The following GIPC2 variants were observed in gnomAD, a reference collection of about 807,000 sequenced individuals.
The protein encoded by GIPC2 is GIPC PDZ domain containing family member 2, also known as PDZ domain-containing protein GIPC2.
Under a neutral mutation model 30.6 loss-of-function variants are expected in GIPC2, and 30 were observed. That is an observed-to-expected ratio of 0.98 (90% confidence interval 0.73 to 1.33). The LOEUF is 1.33. GIPC2 is among the 40% of genes most tolerant of loss of function. GIPC2 has a pLI of 0.00. For missense variants in GIPC2, 414 were observed against 390.3 expected (o/e 1.06, Z -0.51); for synonymous variants, 167 against 150.0 (o/e 1.11, Z -0.83).
intron 3 of GIPC2, among the ~76,000 whole-genome samples, chr1:78,106,256 A>T (rs1161038313): frequency 6.7e-6 from 1 of 150,030 alleles, no homozygotes; most frequent in Non-Finnish European, 1.5e-5. Flanking sequence ...AAAAAAGAAA[A>T]AAATGTGAAA....
At chr1:78,071,969 T>C (rs937012313) in intron 1 of GIPC2, among the ~76,000 whole-genome samples, 12 of 152,310 alleles carry the variant, frequency 7.9e-5, no homozygotes, top group Admixed American at 6.5e-4. Flanking sequence ...GTAACTTAGA[T>C]GTCCCCACAC....
At chr1:78,071,864 A>C (rs886341580) in intron 1 of GIPC2, among the ~76,000 whole-genome samples, 4 of 152,094 alleles carry the variant, frequency 2.6e-5, no homozygotes, top group African/African-American at 9.7e-5. Context: ...AACATGTCTG[A>C]GCTGGTTTTC....
At chr1:78,083,420 CT>C (rs1557536589) in intron 2 of GIPC2, among the ~76,000 whole-genome samples, 1 of 152,120 alleles carries the variant, frequency 6.6e-6, no homozygotes, top group African/African-American at 2.4e-5. Context: ...GTGAGATTAA[CT>C]TTTGTCACTT....
chr1:78,050,509 A>G (rs1391137024), intron 1 of GIPC2, among the ~76,000 whole-genome samples: 1 of 152,198 alleles, frequency 6.6e-6, no homozygotes, highest in Non-Finnish European at 1.5e-5. Context: ...TTTTTTCAAA[A>G]CAATTAAATG....
chr1:78,112,003 A>G (rs1327254863), intron 3 of GIPC2, among the ~76,000 whole-genome samples: 1 of 152,254 alleles, frequency 6.6e-6, no homozygotes, highest in East Asian at 1.9e-4. Context: ...ACTTACAAGC[A>G]TCGTGATACC....
chr1:78,100,682 C>A (rs891076700), intron 3 of GIPC2, among the ~76,000 whole-genome samples: 2 of 152,050 alleles, frequency 1.3e-5, no homozygotes, highest in Non-Finnish European at 2.9e-5. Flanking sequence ...ATAATCCCAG[C>A]CCTTTGGGAG....
At chr1:78,135,509 C>G (rs1201060616) in intron 5 of GIPC2, 83 bp from the exon 6 acceptor site, 1 of 751,930 alleles carries the variant, frequency 1.3e-6, no homozygotes, top group Non-Finnish European at 2.2e-6. Flanking sequence ...TTACTTTTAG[C>G]AAGTAATTTT....
intron 2 of GIPC2, among the ~76,000 whole-genome samples, chr1:78,081,999 C>G (rs2100348966): frequency 6.6e-6 from 1 of 152,284 alleles, no homozygotes; most frequent in Non-Finnish European, 1.5e-5. Flanking sequence ...AGTCAATAAT[C>G]TTTCCCCGCA....
chr1:78,089,349 A>T (rs1045020207), intron 2 of GIPC2, among the ~76,000 whole-genome samples: 2 of 152,182 alleles, frequency 1.3e-5, no homozygotes, highest in African/African-American at 4.8e-5. Context: ...TTATAGTATT[A>T]TTTGGGGGTA....
intron 3 of GIPC2, 35 bp downstream of exon 3, chr1:78,095,167 G>A: frequency 1.4e-6 from 2 of 1,464,500 alleles, no homozygotes; most frequent in Non-Finnish European, 1.9e-6. Flanking sequence ...TGTGTGAAAT[G>A]TTTGCTTTCC....
intron 1 of GIPC2, among the ~76,000 whole-genome samples, chr1:78,062,250 A>G (rs1255543055): frequency 6.6e-6 from 1 of 152,198 alleles, no homozygotes; most frequent in Non-Finnish European, 1.5e-5. Context: ...CGTTAACACT[A>G]TGTCCCTCAT....
At position 78,124,453 on chromosome 1, in the gene GIPC2, G is replaced by T. The variant is rs537972502; in HGVS notation, c.715-1428G>T. Among the ~76,000 whole-genome samples, 19 of 152,082 alleles carry T rather than the reference G, an allele frequency of 1.2e-4. No homozygotes were observed. The East Asian group carries it at 1.5e-3, about 12-fold the overall frequency. On this transcript the variant is annotated intron_variant, in intron 4 of 5. Transcript: ENST00000370759. Reference sequence around the variant, plus strand: ...AATAAAGTTAAAAATACACAATAAGGGTATTTGTTCAGAAAAGTTTTACTA... The same window carrying T: ...AATAAAGTTAAAAATACACAATAAGTGTATTTGTTCAGAAAAGTTTTACTA...
chr1:78,049,695 A>T (rs1415494140), intron 1 of GIPC2, among the ~76,000 whole-genome samples: 1 of 152,154 alleles, frequency 6.6e-6, no homozygotes, highest in Non-Finnish European at 1.5e-5. Flanking sequence ...CTGTAAGCCT[A>T]CAGTGTGTTC....
chr1:78,071,544 C>CCTT (rs1039277552), intron 1 of GIPC2, among the ~76,000 whole-genome samples: 1 of 150,068 alleles, frequency 6.7e-6, no homozygotes, highest in Non-Finnish European at 1.5e-5. Context: ...CCTTCCTTCT[C>CCTT]CTTCTTCTTC....
At chr1:78,073,300 C>T (rs1661658198) in intron 1 of GIPC2, among the ~76,000 whole-genome samples, 1 of 152,026 alleles carries the variant, frequency 6.6e-6, no homozygotes, top group African/African-American at 2.4e-5. Flanking sequence ...GACGGGGTTT[C>T]ACCATGTTGG....
intron 4 of GIPC2, among the ~76,000 whole-genome samples, chr1:78,122,381 C>T (rs963992164): frequency 5.1e-4 from 77 of 152,100 alleles, no homozygotes; most frequent in African/African-American, 1.4e-3. Context: ...TGTATTAGTC[C>T]GTTTTCACAC....
intron 3 of GIPC2, among the ~76,000 whole-genome samples, chr1:78,112,989 C>T (rs987206625): frequency 2.0e-5 from 3 of 152,024 alleles, no homozygotes; most frequent in Non-Finnish European, 4.4e-5. Flanking sequence ...TGTAAGAAAC[C>T]GGCACTCGTA....
intron 5 of GIPC2, among the ~76,000 whole-genome samples, chr1:78,130,130 G>A (rs904973769): frequency 1.5e-5 from 2 of 137,422 alleles, no homozygotes; most frequent in Admixed American, 1.5e-4. Flanking sequence ...TTCAGACAGA[G>A]TCTTGCTCTG....
At chr1:78,091,098 A>G (rs1662028960) in intron 2 of GIPC2, among the ~76,000 whole-genome samples, 1 of 152,206 alleles carries the variant, frequency 6.6e-6, no homozygotes, top group Non-Finnish European at 1.5e-5. Context: ...TTTAATTTTA[A>G]AAATTATGTC....
Sources: allele counts gnomAD v4.1 joint callset (sites outside exome capture counted in the v4.1 genomes callset), GRCh38; gene constraint gnomAD v4.1.1; transcripts MANE v1.5; gene names NCBI Gene and HGNC (gene_info 2026-07-23, HGNC 2026-07-21).